Variants in MSR1 observed in about 807,000 individuals in gnomAD.
MSR1 encodes the protein macrophage scavenger receptor 1, also known as macrophage scavenger receptor types I and II.
Under a neutral mutation model 47.2 loss-of-function variants are expected in MSR1, and 53 were observed. The observed-to-expected ratio is 1.12, with a 90% CI of 0.90 to 1.41. The LOEUF (loss-of-function observed/expected upper bound fraction) is 1.41. Ranked by LOEUF, MSR1 falls within the 40% of genes most tolerant of loss-of-function variation. MSR1 has a pLI of 0.00. For synonymous variants in MSR1, 239 were observed against 185.6 expected (o/e 1.29, Z -2.34); for missense variants, 786 against 546.9 (o/e 1.44, Z -4.36).
In MSR1 at chr8:16,155,101, A is replaced by G; in HGVS notation, c.861T>C (p.Thr287=). Reference sequence around the variant, plus strand: ...GAAATCCTCGTGGACCACTTTCTCCAGTGGGACCTCGATCTCCTTTTTCAC... The same window carrying G: ...GAAATCCTCGTGGACCACTTTCTCCGGTGGGACCTCGATCTCCTTTTTCAC... ...PPGEKGDRGP[T]GESGPRGFPG... The change falls in exon 6 of 10, where the codon ACT becomes ACC. Residue 287 remains threonine, a synonymous_variant. Coordinates refer to ENST00000262101, the MANE Select transcript of MSR1 (RefSeq NM_138715.3). 1 of 1,612,336 alleles carries G rather than the reference A, an allele frequency of 6.2e-7. No homozygotes were observed.
intron 4 of MSR1, among the ~76,000 whole-genome samples, chr8:16,165,335 A>T (rs1801274424): frequency 6.6e-6 from 1 of 152,146 alleles, no homozygotes; most frequent in South Asian, 2.1e-4. Context: ...GTACATAGCA[A>T]ATCATTATTA....
chr8:16,160,982 A>C (rs1801143795), intron 5 of MSR1, among the ~76,000 whole-genome samples: 1 of 151,806 alleles, frequency 6.6e-6, no homozygotes, highest in Non-Finnish European at 1.5e-5. Flanking sequence ...ATCTAGTGTA[A>C]AGAGAGAAAC....
Position 16,114,343 on chromosome 8 carries a change from A to G in MSR1, c.1223-4125T>C, listed in dbSNP as rs530732552. Among the ~76,000 whole-genome samples, 8 of 152,230 alleles carry G rather than the reference A, an allele frequency of 5.3e-5. No homozygotes were observed. In the East Asian group the frequency reaches 1.4e-3, roughly 26 times the overall value. On this transcript the variant is annotated intron_variant, in intron 9 of 9. Transcript: ENST00000262101. ...ACTTTTAAATGGCATTTATGTTTAT[A>G]TATTACTTTTGTTTCTCTTTTCAGG... is the stretch of plus-strand genomic sequence containing the variant.
intron 8 of MSR1, among the ~76,000 whole-genome samples, chr8:16,136,176 C>G (rs1238990572): frequency 6.6e-6 from 1 of 152,074 alleles, no homozygotes; most frequent in African/African-American, 2.4e-5. Flanking sequence ...CAAATAGCAT[C>G]CATTGCATGC....
intron 9 of MSR1, among the ~76,000 whole-genome samples, chr8:16,119,841 G>C (rs868248952): frequency 8.1e-5 from 12 of 148,760 alleles, no homozygotes; most frequent in Admixed American, 2.7e-4. Context: ...GTAGTAGCTA[G>C]GACTGCAGGT....
At position 16,189,493 on chromosome 8, in the gene MSR1, T is replaced by C. The variant is rs1412492011; in HGVS notation, c.-5+3105A>G. Among the ~76,000 whole-genome samples the C allele has an allele frequency of 9.2e-5, 9 of 97,846 alleles. 1 individual carries two copies. The East Asian group carries it at 2.2e-3, about 24-fold the overall frequency. The allele number at this position is 97,846 out of a possible 152,430, so 64.2% of individuals were successfully genotyped here. ...TTTATATATTTTATATATAAAATCTTATTTTATATATATTTTTATATATAA... is the reference window on the plus strand; with the variant it reads ...TTTATATATTTTATATATAAAATCTCATTTTATATATATTTTTATATATAA... On this transcript the variant is annotated intron_variant, in intron 1 of 9. Transcript: ENST00000262101.
rs185568614 is a variant in MSR1, at chr8:16,132,578, C to T, written c.1033+10980G>A. On this transcript the variant is annotated intron_variant, in intron 8 of 9. Transcript: ENST00000262101. ...TCTTGGCTCACTGCAACCCCTGCCT[C>T]CCAGGTTCAAGTGATTCTCCTGCCT... Among the ~76,000 whole-genome samples the T allele has an allele frequency of 9.2e-5, 14 of 152,208 alleles. 1 individual carries two copies. The highest frequency in any genetic ancestry group is 2.1e-4 in the South Asian group (1 of 4,818).
At chr8:16,129,692 G>T (rs752385703) in intron 8 of MSR1, among the ~76,000 whole-genome samples, 1 of 152,052 alleles carries the variant, frequency 6.6e-6, no homozygotes, top group Non-Finnish European at 1.5e-5. Flanking sequence ...AGATTACAGT[G>T]ACCCAAGATC....
chr8:16,150,949 T>C (rs1429536477), intron 6 of MSR1, among the ~76,000 whole-genome samples: 1 of 151,974 alleles, frequency 6.6e-6, no homozygotes, highest in African/African-American at 2.4e-5. Context: ...GGGTTTCATA[T>C]GCTTAAATGA....
intron 9 of MSR1, among the ~76,000 whole-genome samples, chr8:16,115,694 C>T (rs1294457352): frequency 6.6e-6 from 1 of 152,084 alleles, no homozygotes; most frequent in African/African-American, 2.4e-5. Context: ...ACAGCTAAGT[C>T]AAACCAGGTG....
intron 3 of MSR1, among the ~76,000 whole-genome samples, chr8:16,171,677 T>A (rs952366641): frequency 3.9e-5 from 6 of 152,188 alleles, no homozygotes; most frequent in Non-Finnish European, 7.4e-5. Context: ...ACTGTAACAA[T>A]GAGGAGCCCA....
rs529556087 is a variant in MSR1, at chr8:16,146,215, G to C, written c.980-2604C>G. ...CAAATGTGATCATCCTCTCTCCTAA[G>C]CCTTGTGCTTCTTCCTGGTCCCTGA... is the stretch of plus-strand genomic sequence containing the variant. On this transcript the variant is annotated intron_variant, in intron 7 of 9. Coordinates refer to ENST00000262101, the MANE Select transcript of MSR1 (RefSeq NM_138715.3). Among the ~76,000 whole-genome samples, 19 of 152,012 alleles carry C rather than the reference G, an allele frequency of 1.2e-4. 1 individual carries two copies. In the South Asian group the frequency reaches 3.1e-3, roughly 25 times the overall value.
At chr8:16,168,139 C>G (rs1445972039) in intron 4 of MSR1, among the ~76,000 whole-genome samples, 1 of 152,102 alleles carries the variant, frequency 6.6e-6, no homozygotes, top group Non-Finnish European at 1.5e-5. Context: ...GTTCACTTCT[C>G]AAGATCTGCT....
chr8:16,118,737 G>A (rs908508307), intron 9 of MSR1, among the ~76,000 whole-genome samples: 1 of 151,996 alleles, frequency 6.6e-6, no homozygotes, highest in Non-Finnish European at 1.5e-5. Flanking sequence ...CTCAGATTGG[G>A]AGCTCAGTCT....
At chr8:16,143,656 A>G in intron 7 of MSR1, 45 bp from the exon 8 acceptor site, 1 of 1,483,082 alleles carries the variant, frequency 6.7e-7, no homozygotes. Context: ...AGGGCAATTC[A>G]CAATGTTTGC....
In MSR1 at chr8:16,166,156, T is replaced by TTTTC; in HGVS notation, c.631-1909_631-1906dup. Among the ~76,000 whole-genome samples the TTTTC allele has an allele frequency of 1.1e-4, 15 of 138,152 alleles. 1 individual carries two copies. The highest frequency in any genetic ancestry group is 4.0e-4 in the African/African-American group (15 of 37,922). 90.6% of individuals were successfully genotyped at this position (138,152 alleles called of 152,430 possible). On this transcript the variant is annotated intron_variant, in intron 4 of 9. Coordinates refer to ENST00000262101, the MANE Select transcript of MSR1 (RefSeq NM_138715.3). ...ATCATACCTAAAAGCTGAGGCTACT[T>TTTTC]TTTCTTTCTTTTTTTTTTTTTTTTT...
chr8:16,161,033 A>ATTT (rs201538682), intron 5 of MSR1, among the ~76,000 whole-genome samples: 3 of 130,864 alleles, frequency 2.3e-5, no homozygotes, highest in Non-Finnish European at 3.3e-5. Context: ...CTTAAATAGC[A>ATTT]TTTTTTTTTT....
At chr8:16,179,953 G>A (rs568668696) in intron 1 of MSR1, among the ~76,000 whole-genome samples, 1 of 147,852 alleles carries the variant, frequency 6.8e-6, no homozygotes, top group East Asian at 2.0e-4. Flanking sequence ...CACTGACTCT[G>A]TTTCCCAGGC....
At chr8:16,162,493 G>A (rs1049689249) in intron 5 of MSR1, among the ~76,000 whole-genome samples, 2 of 151,988 alleles carry the variant, frequency 1.3e-5, no homozygotes, top group Non-Finnish European at 2.9e-5. Context: ...ATAAATATTT[G>A]TTGTGGGTGA....
Sources: gnomAD v4.1 joint callset for allele counts (sites outside exome capture counted in the v4.1 genomes callset) on GRCh38, gnomAD v4.1.1 for gene constraint, MANE v1.5 for transcripts, NCBI Gene and HGNC (gene_info 2026-07-23, HGNC 2026-07-21) for gene names.